NOVA1: variants seen among roughly 807,000 people sequenced by gnomAD.
The protein encoded by NOVA1 is RNA-binding protein Nova-1.
NOVA1 carries 7 observed loss-of-function variants against 38.0 expected under a neutral mutation model. The observed-to-expected ratio is 0.18, with a 90% CI of 0.10 to 0.35. NOVA1 has a LOEUF of 0.35. NOVA1 is among the 10% of genes least tolerant of loss of function. NOVA1 has a pLI of 1.00. For synonymous variants in NOVA1, 270 were observed against 232.5 expected, an observed-to-expected ratio of 1.16 and a Z score of -1.47; for missense variants, 460 against 616.0, an observed-to-expected ratio of 0.75 and a Z score of 2.68.
intron 2 of NOVA1, among the ~76,000 whole-genome samples, chr14:26,522,628 A>T (rs1888980215): frequency 6.6e-6 from 1 of 152,120 alleles, no homozygotes; most frequent in Non-Finnish European, 1.5e-5. Flanking sequence ...GGTCTTAGCT[A>T]CATTGCAATA....
chr14:26,595,354 A>G, intron 2 of NOVA1, 56 bp downstream of exon 2: 3 of 1,541,856 alleles, frequency 1.9e-6, no homozygotes, highest in East Asian at 2.3e-5. Context: ...CAACACAAGT[A>G]GATCTTTCTT....
intron 2 of NOVA1, chr14:26,568,354 C>T (rs1452419348): frequency 6.6e-6 from 1 of 152,140 alleles, no homozygotes; most frequent in African/African-American, 2.4e-5. Context: ...AGCATGGACT[C>T]TGGAGTCAGA....
intron 2 of NOVA1, among the ~76,000 whole-genome samples, chr14:26,566,764 A>G (rs1294051774): frequency 1.3e-5 from 2 of 152,222 alleles, no homozygotes; most frequent in Non-Finnish European, 2.9e-5. Context: ...TCTGTCATCA[A>G]TAAAAATTGT....
rs12434678 is a variant in NOVA1, at chr14:26,488,647, C to T, written c.281-8504G>A. Reference sequence around the variant, plus strand: ...TATGCTAAATTTAGGATCACTATAGCAATCCTAGTTATGTCAATAGTATAA... The same window carrying T: ...TATGCTAAATTTAGGATCACTATAGTAATCCTAGTTATGTCAATAGTATAA... On this transcript the variant is annotated intron_variant, in intron 2 of 4. Transcript: ENST00000539517. 6.3e-3 allele frequency among the ~76,000 whole-genome samples: 957 copies of T among 152,246 alleles called. 10 individuals are homozygous for T. Among genetic ancestry groups the T allele is most frequent in the South Asian group, 0.02 (96 of 4,826 alleles).
intron 2 of NOVA1, among the ~76,000 whole-genome samples, chr14:26,499,213 G>A (rs567740354): frequency 3.0e-4 from 46 of 152,124 alleles, no homozygotes; most frequent in African/African-American, 9.4e-4. Context: ...AGAAATGACA[G>A]ATATGTTAAT....
chr14:26,588,701 T>C (rs1202299340), intron 2 of NOVA1, among the ~76,000 whole-genome samples: 1 of 151,574 alleles, frequency 6.6e-6, no homozygotes, highest in Non-Finnish European at 1.5e-5. Flanking sequence ...GGTAAAAGTA[T>C]ATATGTGAAA....
intron 2 of NOVA1, among the ~76,000 whole-genome samples, chr14:26,560,265 CA>C (rs1891741490): frequency 6.6e-6 from 1 of 152,020 alleles, no homozygotes; most frequent in Non-Finnish European, 1.5e-5. Flanking sequence ...TGATCTACCA[CA>C]AAGTTGTGGA....
intron 4 of NOVA1, among the ~76,000 whole-genome samples, chr14:26,460,963 CT>C (rs1406074252): frequency 6.6e-6 from 1 of 152,068 alleles, no homozygotes; most frequent in Admixed American, 6.6e-5. Flanking sequence ...AAGAAGATAA[CT>C]ACACATTGTG....
intron 3 of NOVA1, among the ~76,000 whole-genome samples, chr14:26,475,579 CA>C (rs1398586011): frequency 2.0e-5 from 3 of 152,062 alleles, no homozygotes; most frequent in Admixed American, 6.6e-5. Context: ...TTTTCAGTGC[CA>C]TTTTTTCTTT....
At chr14:26,574,832 A>T (rs192279461) in intron 2 of NOVA1, among the ~76,000 whole-genome samples, 4,933 of 149,728 alleles carry the variant, frequency 0.033, 189 homozygotes, top group African/African-American at 0.092. Flanking sequence ...ATTTAAAAAA[A>T]TTTTTTTTTT....
At chr14:26,478,762 G>A (rs946164408) in intron 3 of NOVA1, among the ~76,000 whole-genome samples, 1 of 151,828 alleles carries the variant, frequency 6.6e-6, no homozygotes, top group African/African-American at 2.4e-5. Context: ...TAAGACTTAT[G>A]AAGGGTATAA....
chr14:26,489,858 A>T (rs893398208), intron 2 of NOVA1, among the ~76,000 whole-genome samples: 1 of 152,248 alleles, frequency 6.6e-6, no homozygotes, highest in East Asian at 1.9e-4. Context: ...AAAAATAAAA[A>T]TTGTGCTACA....
In NOVA1 at chr14:26,597,900, T is replaced by G. The variant is rs1594607110; in HGVS notation, c.-464A>C. On this transcript the variant is annotated 5_prime_UTR_variant, in exon 1 of 5. Coordinates refer to ENST00000539517, the MANE Select transcript of NOVA1 (RefSeq NM_002515.3). Reference sequence around the variant, plus strand: ...AATGAGCAGGAGGAGGGGAAGGAGGTGGATGCCGAGAGAGGAGCGAGCGGC... The same window carrying G: ...AATGAGCAGGAGGAGGGGAAGGAGGGGGATGCCGAGAGAGGAGCGAGCGGC... 2.8e-5 allele frequency: 4 copies of G among 145,064 alleles called. No individual in the cohort carries two copies. The highest frequency in any genetic ancestry group is 2.2e-4 in the East Asian group (1 of 4,594). The allele number at this position is 145,064 out of a possible 1,614,324, so 9.0% of individuals were successfully genotyped here.
intron 2 of NOVA1, 103 bp downstream of exon 2, chr14:26,595,307 C>G: frequency 8.9e-7 from 1 of 1,128,970 alleles, no homozygotes; most frequent in South Asian, 1.6e-5. Context: ...TAAATAAAGT[C>G]TCCAGTATTG....
At chr14:26,544,549 C>A (rs1247914543) in intron 2 of NOVA1, among the ~76,000 whole-genome samples, 1 of 151,394 alleles carries the variant, frequency 6.6e-6, no homozygotes, top group Non-Finnish European at 1.5e-5. Flanking sequence ...GTTTTTAAAC[C>A]CTCTTTGAGC....
At chr14:26,596,642 G>C (rs1245061508) in intron 1 of NOVA1, 1 of 1,289,072 alleles carries the variant, frequency 7.8e-7, no homozygotes. Flanking sequence ...TATCGGTCCC[G>C]TTAAAACTCA....
Position 26,447,259 on chromosome 14 carries a change from G to A in NOVA1, c.*700C>T, listed in dbSNP as rs1415837735. 1 of 152,716 alleles carries A rather than the reference G, an allele frequency of 6.5e-6. No homozygotes were observed. The highest frequency in any genetic ancestry group is 2.4e-5 in the African/African-American group (1 of 41,434). 9.5% of individuals were successfully genotyped at this position (152,716 alleles called of 1,614,324 possible). A position where few individuals can be genotyped will look rare whatever the true frequency, so the allele number is the denominator to read the frequency against. ...CAAATGTACAAACCTCTGAAGAGGT[G>A]GGACTCCATGTGAGAACTTTTGTTG... On this transcript the variant is annotated 3_prime_UTR_variant, in exon 5 of 5. Transcript: ENST00000539517.
chr14:26,520,857 A>C (rs558926339), intron 2 of NOVA1, among the ~76,000 whole-genome samples: 1 of 152,240 alleles, frequency 6.6e-6, no homozygotes, highest in African/African-American at 2.4e-5. Flanking sequence ...AAAATTTCTT[A>C]TCTGAAAAAC....
intron 4 of NOVA1, among the ~76,000 whole-genome samples, chr14:26,450,318 A>G (rs1882551987): frequency 6.6e-6 from 1 of 152,040 alleles, no homozygotes; most frequent in Non-Finnish European, 1.5e-5. Context: ...GAAGGTAGCA[A>G]GCAGAGAAAG....
Sources: gnomAD v4.1 joint callset for allele counts (sites outside exome capture counted in the v4.1 genomes callset) on GRCh38, gnomAD v4.1.1 for gene constraint, MANE v1.5 for transcripts, NCBI Gene and HGNC (gene_info 2026-07-23, HGNC 2026-07-21) for gene names.